The following CNTN4 variants were observed in gnomAD, a reference collection of about 807,000 sequenced individuals.
CNTN4 encodes the protein contactin-4.
Under a neutral mutation model 122.5 loss-of-function variants are expected in CNTN4, and 77 were observed. The observed-to-expected ratio is 0.63, with a 90% CI of 0.52 to 0.76. CNTN4 has a LOEUF of 0.76. CNTN4 is among the 30% of genes least tolerant of loss of function. The pLI, the probability that CNTN4 is intolerant of heterozygous loss-of-function variation, is 0.00. For missense variants in CNTN4, 1,256 were observed against 1,259.1 expected (o/e 1.00, Z 0.04); for synonymous variants, 512 against 447.0 (o/e 1.15, Z -1.83).
intron 2 of CNTN4, chr3:2,144,207 G>A (rs2035137038): frequency 6.6e-6 from 1 of 152,154 alleles, no homozygotes; most frequent in Non-Finnish European, 1.5e-5. Context: ...ATTTTAGTGT[G>A]GCCTGTGATC....
rs1322252361 is a variant in CNTN4 at position 3,057,682 on chromosome 3, A to T, written c.*1462A>T. On this transcript the variant is annotated 3_prime_UTR_variant, in exon 25 of 25. Transcript: ENST00000418658. ...AGTTATATTTATCCAATAAAGTCAT[A>T]ATCGGGATTCCATTTGTGTAAAAAC... 1 of 152,660 alleles carries T rather than the reference A, an allele frequency of 6.6e-6. No homozygotes were observed. Among genetic ancestry groups the T allele is most frequent in the East Asian group, 1.9e-4 (1 of 5,202 alleles). 9.5% of individuals were successfully genotyped at this position (152,660 alleles called of 1,614,324 possible).
At chr3:2,282,362 T>C (rs1247972654) in intron 2 of CNTN4, among the ~76,000 whole-genome samples, 7 of 149,632 alleles carry the variant, frequency 4.7e-5, no homozygotes, top group Admixed American at 3.3e-4. Context: ...CTTTAATGTA[T>C]ACAGCATGCA....
At chr3:2,945,011 T>C (rs949781195) in intron 13 of CNTN4, among the ~76,000 whole-genome samples, 3 of 152,128 alleles carry the variant, frequency 2.0e-5, no homozygotes, top group African/African-American at 7.2e-5. Flanking sequence ...GGGCCTCAGA[T>C]CATCACCTAT....
intron 6 of CNTN4, among the ~76,000 whole-genome samples, chr3:2,747,688 G>A (rs561606231): frequency 6.6e-6 from 1 of 152,232 alleles, no homozygotes; most frequent in East Asian, 1.9e-4. Flanking sequence ...GGACCTACCA[G>A]GAAATGGAAT....
intron 9 of CNTN4, among the ~76,000 whole-genome samples, chr3:2,886,472 T>C (rs938390576): frequency 6.6e-6 from 1 of 151,024 alleles, no homozygotes; most frequent in African/African-American, 2.4e-5. Context: ...TATAAAAATC[T>C]GTTTTTATTT....
At chr3:2,903,840 C>T (rs1320563029) in intron 12 of CNTN4, among the ~76,000 whole-genome samples, 1 of 151,860 alleles carries the variant, frequency 6.6e-6, no homozygotes, top group Non-Finnish European at 1.5e-5. Context: ...CATTTTATTC[C>T]CAGGACTTAA....
intron 3 of CNTN4, among the ~76,000 whole-genome samples, chr3:2,520,259 CTTTTTTTTTTTTTTT>C (rs397988483): frequency 5.4e-5 from 4 of 74,470 alleles, no homozygotes; most frequent in East Asian, 6.2e-4. Context: ...TGATTGCTTC[CTTTTTTTTTTTTTTT>C]TTTTTTTTTT....
intron 4 of CNTN4, among the ~76,000 whole-genome samples, chr3:2,692,689 G>A (rs1035878598): frequency 1.3e-5 from 2 of 152,024 alleles, no homozygotes; most frequent in African/African-American, 4.8e-5. Flanking sequence ...GTTTAATCTT[G>A]TGGTGACTCT....
rs545807749 is a variant in CNTN4, at chr3:2,635,591, G to A, written c.55+64033G>A. On this transcript the variant is annotated intron_variant, in intron 4 of 24. Transcript: ENST00000418658. ...AAGCTTTCACAAGGGCGCCTTGAATGTGCCCACAGCAGGACTTGTTAGTTG... is the reference window on the plus strand; with the variant it reads ...AAGCTTTCACAAGGGCGCCTTGAATATGCCCACAGCAGGACTTGTTAGTTG... Among the ~76,000 whole-genome samples, 281 of 152,280 alleles carry A rather than the reference G, an allele frequency of 1.8e-3. 1 individual carries two copies. Among genetic ancestry groups the A allele is most frequent in the Non-Finnish European group, 9.9e-4 (67 of 68,020 alleles).
chr3:3,032,002 AG>A (rs1187030036), intron 16 of CNTN4, among the ~76,000 whole-genome samples: 2 of 152,136 alleles, frequency 1.3e-5, no homozygotes, highest in Admixed American at 6.6e-5. Context: ...GCATAATGTA[AG>A]GGGGGAAATG....
chr3:2,988,682 T>C lies in CNTN4; in HGVS notation c.1486+210T>C, dbSNP rs2125287692. On this transcript the variant is annotated intron_variant, in intron 14 of 24. Coordinates refer to ENST00000418658, the MANE Select transcript of CNTN4 (RefSeq NM_175607.3). ...GAAAGGCTATCTTATTTCAGAATCA[T>C]CCAATACAATTTTGAGAATTATAGC... The C allele has an allele frequency of 8.6e-6, 5 of 579,746 alleles. No homozygotes were observed. In the East Asian group the frequency reaches 1.5e-4, roughly 18 times the overall value. The allele number at this position is 579,746 out of a possible 1,614,324, so 35.9% of individuals were successfully genotyped here. A position where few individuals can be genotyped will look rare whatever the true frequency, so the allele number is the denominator to read the frequency against.
chr3:3,056,517 T>C lies in CNTN4; in HGVS notation c.*297T>C, dbSNP rs1701811526. Reference sequence around the variant, plus strand: ...TTTTTATTATATATTTAGTGTTTTATAGAATTTTTTAAAGTTAACATATAA... The same window carrying C: ...TTTTTATTATATATTTAGTGTTTTACAGAATTTTTTAAAGTTAACATATAA... On this transcript the variant is annotated 3_prime_UTR_variant, in exon 25 of 25. Coordinates refer to ENST00000418658, the MANE Select transcript of CNTN4 (RefSeq NM_175607.3). The C allele has an allele frequency of 5.6e-6, 1 of 178,906 alleles. No homozygotes were observed. The highest frequency in any genetic ancestry group is 1.2e-5 in the Non-Finnish European group (1 of 84,866). 11.1% of individuals were successfully genotyped at this position (178,906 alleles called of 1,614,324 possible). A position where few individuals can be genotyped will look rare whatever the true frequency, so the allele number is the denominator to read the frequency against.
At chr3:2,278,704 G>A (rs1009776585) in intron 2 of CNTN4, among the ~76,000 whole-genome samples, 1 of 152,124 alleles carries the variant, frequency 6.6e-6, no homozygotes, top group African/African-American at 2.4e-5. Context: ...CAAGACCCCT[G>A]TGCCTAATCC....
At chr3:2,478,774 T>G (rs1356249887) in intron 3 of CNTN4, among the ~76,000 whole-genome samples, 2 of 152,192 alleles carry the variant, frequency 1.3e-5, no homozygotes, top group African/African-American at 2.4e-5. Context: ...CATTCTTTTT[T>G]ATGGCTGAAT....
At chr3:2,978,792 G>A (rs1248095168) in intron 13 of CNTN4, among the ~76,000 whole-genome samples, 1 of 151,990 alleles carries the variant, frequency 6.6e-6, no homozygotes, top group Non-Finnish European at 1.5e-5. Flanking sequence ...TTCCTTTCCT[G>A]GAGCCAGGCC....
At chr3:2,191,787 T>A (rs2037565013) in intron 2 of CNTN4, among the ~76,000 whole-genome samples, 1 of 152,108 alleles carries the variant, frequency 6.6e-6, no homozygotes, top group Admixed American at 6.6e-5. Flanking sequence ...ACATGAGGTT[T>A]GTTACATATG....
intron 8 of CNTN4, among the ~76,000 whole-genome samples, chr3:2,882,274 G>C (rs2093920778): frequency 6.6e-6 from 1 of 151,910 alleles, no homozygotes. Context: ...GCTGAAGCAG[G>C]AGAATCGCTT....
intron 2 of CNTN4, among the ~76,000 whole-genome samples, chr3:2,322,966 G>A (rs910298796): frequency 6.6e-6 from 1 of 152,052 alleles, no homozygotes; most frequent in Non-Finnish European, 1.5e-5. Flanking sequence ...GATTACCGAA[G>A]TTCACTTTCC....
At chr3:2,461,985 T>G (rs189516647) in intron 3 of CNTN4, among the ~76,000 whole-genome samples, 1 of 152,296 alleles carries the variant, frequency 6.6e-6, no homozygotes. Flanking sequence ...GCATGTGCAA[T>G]GCCTGGAGAC....
Sources: allele counts gnomAD v4.1 joint callset (sites outside exome capture counted in the v4.1 genomes callset), GRCh38; gene constraint gnomAD v4.1.1; transcripts MANE v1.5; gene names NCBI Gene and HGNC (gene_info 2026-07-23, HGNC 2026-07-21).